UBQLN1: variants seen among roughly 807,000 people sequenced by gnomAD.
The protein encoded by UBQLN1 is ubiquilin-1.
A neutral mutation model predicts 65.4 loss-of-function variants in UBQLN1; 13 were observed. The ratio of observed to expected loss-of-function variants is 0.20; its 90% CI spans 0.13 to 0.32. The LOEUF (loss-of-function observed/expected upper bound fraction) is 0.32. Among genes scored for constraint, UBQLN1 ranks in the 10% least tolerant of loss-of-function variants. The probability of loss-of-function intolerance (pLI) is 1.00; values close to 1 mark genes in which losing one functional copy is unlikely to be tolerated. For missense variants in UBQLN1, 561 were observed against 724.0 expected (o/e 0.77, Z 2.58); for synonymous variants, 267 against 247.8 (o/e 1.08, Z -0.73).
At chr9:83,699,165 C>T (rs1324663165) in intron 1 of UBQLN1, among the ~76,000 whole-genome samples, 1 of 152,008 alleles carries the variant, frequency 6.6e-6, no homozygotes, top group Non-Finnish European at 1.5e-5. Flanking sequence ...GTTCTGGAAA[C>T]GGATGGTGGT....
rs1564176449 is a variant in UBQLN1, at chr9:83,707,700, C to CGGT, written c.-24_-22dup. ...GCCATGGCTGTGGCGGCGGCGGCGG[C>CGGT]GGTGACTCAGGCAAGCAGGAGGGAG... On this transcript the variant is annotated 5_prime_UTR_variant, in exon 1 of 11. Transcript: ENST00000376395. 2 of 1,516,730 alleles carry CGGT rather than the reference C, an allele frequency of 1.3e-6. No homozygotes were observed. Among genetic ancestry groups the CGGT allele is most frequent in the African/African-American group, 1.4e-5 (1 of 70,334 alleles). 94.0% of individuals were successfully genotyped at this position (1,516,730 alleles called of 1,614,324 possible).
intron 1 of UBQLN1, among the ~76,000 whole-genome samples, chr9:83,700,222 G>A (rs184698912): frequency 7.9e-5 from 12 of 152,168 alleles, no homozygotes; most frequent in Admixed American, 3.9e-4. Context: ...GAAGAGTAAT[G>A]TTCCAGGCAG....
At position 83,661,638 on chromosome 9, in the gene UBQLN1, T is replaced by G; in HGVS notation, c.*149A>C. The G allele has an allele frequency of 1.3e-6, 1 of 780,466 alleles. No individual in the cohort carries two copies. 48.3% of individuals were successfully genotyped at this position (780,466 alleles called of 1,614,324 possible). On this transcript the variant is annotated 3_prime_UTR_variant, in exon 11 of 11. Transcript: ENST00000376395. The stretch of plus-strand genomic sequence containing the variant: ...AAAAATACAGAAAAACCCACACATC[T>G]TACTGTACTCCACCTTAAAATGCAT...
Position 83,677,925 on chromosome 9 carries a change from T to A in UBQLN1, c.907A>T (p.Thr303Ser). The A allele has an allele frequency of 6.2e-7, 1 of 1,614,058 alleles. No homozygotes were observed. Among genetic ancestry groups the A allele is most frequent in the Non-Finnish European group, 8.5e-7 (1 of 1,179,960 alleles). ...GGTTGACTACCTTCACCAGAGGATG[T>A]ATTGCTCACCAAGGAAGCAAATGGA... is the stretch of plus-strand genomic sequence containing the variant. ...GNPFASLVSNTSSGEGSQPSR... is the reference protein window; with the variant it reads ...GNPFASLVSNSSSGEGSQPSR... Residue 303 changes from threonine (T) to serine (S), a missense_variant, in exon 6 of 11, where the codon ACA becomes TCA. Thr to Ser is a moderately conservative substitution (Grantham distance 58). Transcript: ENST00000376395.
At chr9:83,669,977 G>A (rs1188487263) in intron 6 of UBQLN1, among the ~76,000 whole-genome samples, 1 of 152,190 alleles carries the variant, frequency 6.6e-6, no homozygotes, top group Non-Finnish European at 1.5e-5. Context: ...GTAAAATGGA[G>A]AAAGCAGTAT....
rs764409808 is a variant in UBQLN1, at chr9:83,665,125, T to G, written c.1353A>C (p.Leu451=). The G allele has an allele frequency of 1.2e-6, 2 of 1,613,166 alleles. No individual in the cohort carries two copies. The highest frequency in any genetic ancestry group is 1.7e-6 in the Non-Finnish European group (2 of 1,179,678). The change falls in exon 9 of 11, where the codon CTA becomes CTC. Residue 451 remains leucine (L), a synonymous_variant. Coordinates refer to ENST00000376395, the MANE Select transcript of UBQLN1 (RefSeq NM_013438.5). ...FLQQMQNPDT[L]SAMSNPRAMQ... ...TTGCTCTAGGGTTTGACATTGCTGA[T>G]AGTGTATCAGGATTCTGCATCTAAG...
At chr9:83,706,530 G>A (rs1182231300) in intron 1 of UBQLN1, among the ~76,000 whole-genome samples, 1 of 152,162 alleles carries the variant, frequency 6.6e-6, no homozygotes, top group African/African-American at 2.4e-5. Context: ...GAAACTGATA[G>A]GTACATTTCA....
At chr9:83,681,553 G>T (rs1312806573) in intron 3 of UBQLN1, among the ~76,000 whole-genome samples, 1 of 152,310 alleles carries the variant, frequency 6.6e-6, no homozygotes, top group South Asian at 2.1e-4. Context: ...AAATACTTTG[G>T]CAAGGAAACG....
intron 1 of UBQLN1, among the ~76,000 whole-genome samples, chr9:83,701,951 G>A (rs1162092242): frequency 3.3e-5 from 5 of 152,194 alleles, no homozygotes; most frequent in African/African-American, 9.6e-5. Flanking sequence ...GTGGAATGCT[G>A]TTGGCAACAC....
Position 83,663,972 on chromosome 9 carries a change from G to C in UBQLN1, c.1520C>G (p.Pro507Arg). 1 of 1,614,146 alleles carries C rather than the reference G, an allele frequency of 6.2e-7. No individual in the cohort carries two copies. The highest frequency in any genetic ancestry group is 8.5e-7 in the Non-Finnish European group (1 of 1,180,008). The change falls in exon 10 of 11, where the codon CCT becomes CGT. Residue 507 changes from proline (P) to arginine (R), a missense_variant. Physicochemically the swap from Pro to Arg is moderately radical, Grantham distance 103 (BLOSUM62 -2). Around this residue, in one of 8 missense-constraint regions of UBQLN1, gnomAD observed 68 missense variants for 62.2 expected, o/e 1.09. Transcript: ENST00000376395. ...TGCTGTGGGACTTGTGTTTTCACTA[G>C]GTGTGGCGTTAGATCCATTAGTTCC... ...SSGTNGSNATPSENTSPTAGT... is the reference protein window; with the variant it reads ...SSGTNGSNATRSENTSPTAGT...
intron 6 of UBQLN1, among the ~76,000 whole-genome samples, chr9:83,675,468 C>CA (rs56889142): frequency 0.17 from 24,314 of 140,694 alleles, 2,385 homozygotes; most frequent in African/African-American, 0.29. Context: ...CCTATGCCGT[C>CA]AAAAAAAAAA....
intron 3 of UBQLN1, 118 bp downstream of exon 3, chr9:83,682,833 T>C: frequency 2.0e-6 from 1 of 508,570 alleles, no homozygotes; most frequent in Non-Finnish European, 3.5e-6. Flanking sequence ...TGTTTTTTTT[T>C]TTTAATTTTT....
intron 2 of UBQLN1, 117 bp from the exon 3 acceptor site, chr9:83,683,183 C>A (rs1831975349): frequency 6.9e-6 from 4 of 575,832 alleles, no homozygotes; most frequent in South Asian, 4.4e-5. Context: ...GAGGCCGAAG[C>A]TGGCTGATCA....
At chr9:83,678,933 G>A (rs986192746) in intron 4 of UBQLN1, among the ~76,000 whole-genome samples, 8 of 152,116 alleles carry the variant, frequency 5.3e-5, no homozygotes, top group Non-Finnish European at 1.0e-4. Context: ...GTGTTAGCCA[G>A]GATGGTCTTG....
intron 6 of UBQLN1, among the ~76,000 whole-genome samples, chr9:83,673,647 C>G (rs958129354): frequency 6.9e-6 from 1 of 144,658 alleles, no homozygotes; most frequent in African/African-American, 2.6e-5. Flanking sequence ...TTTTGTGAAA[C>G]GTGAAAACTA....
intron 6 of UBQLN1, among the ~76,000 whole-genome samples, chr9:83,676,675 C>A (rs1831838501): frequency 6.6e-6 from 1 of 152,118 alleles, no homozygotes; most frequent in South Asian, 2.1e-4. Context: ...CATTCTGATT[C>A]TTCTTTCAGC....
chr9:83,677,241 T>G (rs968078747), intron 6 of UBQLN1, among the ~76,000 whole-genome samples: 1 of 152,098 alleles, frequency 6.6e-6, no homozygotes, highest in African/African-American at 2.4e-5. Context: ...TAAATAAGTG[T>G]TCTCTCTACA....
intron 1 of UBQLN1, among the ~76,000 whole-genome samples, chr9:83,704,126 T>C (rs568627166): frequency 1.1e-4 from 16 of 152,308 alleles, no homozygotes; most frequent in African/African-American, 2.9e-4. Flanking sequence ...CCCTCCAAAA[T>C]TAGGTACAAA....
At chr9:83,665,233 G>T in intron 8 of UBQLN1, 88 bp from the exon 9 acceptor site, 1 of 1,004,334 alleles carries the variant, frequency 1.0e-6, no homozygotes, top group Non-Finnish European at 1.5e-6. Flanking sequence ...TGCTTCTGGA[G>T]AAAATCTAAA....
Sources: allele counts gnomAD v4.1 joint callset (sites outside exome capture counted in the v4.1 genomes callset), GRCh38; gene constraint gnomAD v4.1.1; regional missense constraint gnomAD v4.1.1; transcripts MANE v1.5; gene names NCBI Gene and HGNC (gene_info 2026-07-23, HGNC 2026-07-21).